The following GIT2 variants were observed in gnomAD, a reference collection of about 807,000 sequenced individuals.
GIT2 encodes GIT ArfGAP 2.
A neutral mutation model predicts 100.3 loss-of-function variants in GIT2; 32 were observed. The observed-to-expected ratio is 0.32, with a 90% CI of 0.24 to 0.43. The LOEUF is 0.43. Among genes scored for constraint, GIT2 ranks in the 20% least tolerant of loss-of-function variants. The pLI is 1.00. For missense variants in GIT2, 737 were observed against 975.1 expected (o/e 0.76, Z 3.25); for synonymous variants, 353 against 364.1 (o/e 0.97, Z 0.35).
intron 14 of GIT2, 73 bp downstream of exon 14, chr12:109,951,094 C>T (rs772196000): frequency 1.0e-4 from 138 of 1,317,704 alleles, no homozygotes; most frequent in Non-Finnish European, 1.5e-4. Flanking sequence ...CGGACCACAT[C>T]ACAGTGCCTG....
upstream of GIT2, chr12:109,999,543 C>A: frequency 3.9e-6 from 2 of 509,446 alleles, no homozygotes; most frequent in Middle Eastern, 1.2e-3. This position sits in a 1 kb window ranked among gnomAD's most constrained non-coding sequence, Gnocchi z 4.3. Flanking sequence ...GCGCGCCCCG[C>A]ACCCGACCGG....
chr12:109,952,656 C>A, intron 13 of GIT2: 1 of 518,890 alleles, frequency 1.9e-6, no homozygotes. Context: ...ATCTTAAGAG[C>A]TGTCCTATGA....
chr12:109,943,667 T>TC (rs1875435455), intron 16 of GIT2, among the ~76,000 whole-genome samples: 1 of 151,686 alleles, frequency 6.6e-6, no homozygotes, highest in Non-Finnish European at 1.5e-5. Context: ...AGAATTCTTT[T>TC]TTTTTTTTTT....
intron 16 of GIT2, chr12:109,939,626 C>T (rs991581251): frequency 6.6e-6 from 1 of 152,158 alleles, no homozygotes; most frequent in African/African-American, 2.4e-5. Context: ...TGAGGCAGGA[C>T]GATTGCTTAA....
intron 5 of GIT2, 50 bp downstream of exon 5, chr12:109,983,558 G>C: frequency 6.3e-7 from 1 of 1,593,320 alleles, no homozygotes; most frequent in Non-Finnish European, 8.6e-7. Context: ...AAGGCTACAT[G>C]AACACAACTC....
At position 109,966,527 on chromosome 12, in the gene GIT2, A is replaced by AG. The variant is rs1380605346; in HGVS notation, c.764+930_764+931insC. Among the ~76,000 whole-genome samples, 49 of 150,078 alleles carry AG rather than the reference A, an allele frequency of 3.3e-4. 2 individuals are homozygous for AG. The South Asian group carries it at 9.3e-3, about 28-fold the overall frequency. On this transcript the variant is annotated intron_variant, in intron 8 of 19. Transcript: ENST00000355312. ...CTGTCTCAAAAAAAAAAAAAAAAAA[A>AG]AAGAAAGAAAAGAAAATACAAGGCC... is the stretch of plus-strand genomic sequence containing the variant.
chr12:109,968,289 G>C (rs1004528523), intron 7 of GIT2, among the ~76,000 whole-genome samples: 1 of 150,938 alleles, frequency 6.6e-6, no homozygotes, highest in Non-Finnish European at 1.5e-5. Context: ...GTATGCTGTG[G>C]CATCTCATTG....
At chr12:109,955,298 G>GT (rs770474788) in intron 12 of GIT2, among the ~76,000 whole-genome samples, 1 of 151,862 alleles carries the variant, frequency 6.6e-6, no homozygotes, top group Non-Finnish European at 1.5e-5. Flanking sequence ...TAATTTTTTT[G>GT]TATTTTTTTA....
chr12:109,968,333 T>C (rs1204571279), intron 7 of GIT2, among the ~76,000 whole-genome samples: 1 of 152,004 alleles, frequency 6.6e-6, no homozygotes, highest in East Asian at 1.9e-4. Context: ...CTTGTCTTCA[T>C]GTGATTTTTT....
At chr12:109,998,192 T>C (rs1889714881), upstream of GIT2, 1 of 152,224 alleles carries the variant, frequency 6.6e-6, no homozygotes, top group Non-Finnish European at 1.5e-5. Flanking sequence ...ATCTCTACAG[T>C]GTGATAAATG....
At chr12:109,999,521 C>A (rs1231603462), upstream of GIT2, 1 of 370,928 alleles carries the variant, frequency 2.7e-6, no homozygotes, top group African/African-American at 2.1e-5. This position sits in a 1 kb window ranked among gnomAD's most constrained non-coding sequence, Gnocchi z 4.3. Context: ...GGCCGGCGAC[C>A]CCGGACCTCC....
Position 109,934,108 on chromosome 12 carries a change from A to C in GIT2, c.2004-23T>G. On this transcript the variant is annotated intron_variant, in intron 18 of 19. Coordinates refer to ENST00000355312, the MANE Select transcript of GIT2 (RefSeq NM_057169.5). This position sits in a 1 kb window ranked among gnomAD's most constrained non-coding sequence, Gnocchi z 4.5. Reference sequence around the variant, plus strand: ...TAACTGCAAGAATATTGAAGAAGTTATTCAATGACAGTAAAAATGATTCGG... The same window carrying C: ...TAACTGCAAGAATATTGAAGAAGTTCTTCAATGACAGTAAAAATGATTCGG... 1 of 1,280,816 alleles carries C rather than the reference A, an allele frequency of 7.8e-7. No homozygotes were observed. Among genetic ancestry groups the C allele is most frequent in the Non-Finnish European group, 1.1e-6 (1 of 876,084 alleles). 79.3% of individuals were successfully genotyped at this position (1,280,816 alleles called of 1,614,324 possible).
At chr12:109,959,201 G>A (rs1433756334) in intron 12 of GIT2, among the ~76,000 whole-genome samples, 1 of 151,730 alleles carries the variant, frequency 6.6e-6, no homozygotes, top group Non-Finnish European at 1.5e-5. Flanking sequence ...CTGGGTAGCT[G>A]GGATTACAGG....
chr12:109,936,458 T>G (rs2136141703), intron 18 of GIT2, among the ~76,000 whole-genome samples: 1 of 152,312 alleles, frequency 6.6e-6, no homozygotes, highest in African/African-American at 2.4e-5. Flanking sequence ...CATTTTAGTT[T>G]GAAATACAAG....
rs1344635119 is a variant in GIT2, at chr12:109,945,312, A to G, written c.1679T>C (p.Leu560Pro). Residue 560 changes from leucine (L) to proline (P), a missense_variant, in exon 16 of 20, where the codon CTG (leucine) becomes CCG (proline). Physicochemically the swap from Leu to Pro is moderately conservative, Grantham distance 98. Around this residue, in one of 3 missense-constraint regions of GIT2, gnomAD observed 451 missense variants for 543.7 expected, o/e 0.83. Coordinates refer to ENST00000355312, the MANE Select transcript of GIT2 (RefSeq NM_057169.5). ...GGAAAGTGTGGAGGGGAAGGAAGGC[A>G]GAGATGAAGAGGAGGTCACAAGTGC... is the stretch of plus-strand genomic sequence containing the variant. ...RSALVTSSSSLPSFPSTLSWS... is the reference protein window; with the variant it reads ...RSALVTSSSSPPSFPSTLSWS... 3 of 1,585,158 alleles carry G rather than the reference A, an allele frequency of 1.9e-6. No individual in the cohort carries two copies. Among genetic ancestry groups the G allele is most frequent in the Non-Finnish European group, 2.6e-6 (3 of 1,153,998 alleles).
chr12:109,999,917 C>A, upstream of GIT2: 1 of 730,570 alleles, frequency 1.4e-6, no homozygotes. This position sits in a 1 kb window ranked among gnomAD's most constrained non-coding sequence, Gnocchi z 4.3. Flanking sequence ...AGGTGTGGGA[C>A]AGTCCTAATA....
intron 7 of GIT2, among the ~76,000 whole-genome samples, chr12:109,979,174 T>A (rs1593114581): frequency 6.6e-6 from 1 of 150,438 alleles, no homozygotes; most frequent in African/African-American, 2.5e-5. Flanking sequence ...ATGGGAGAGA[T>A]CAGAAAAAGG....
intron 16 of GIT2, among the ~76,000 whole-genome samples, chr12:109,942,231 G>T (rs1056210937): frequency 6.6e-6 from 1 of 152,060 alleles, no homozygotes; most frequent in African/African-American, 2.4e-5. Context: ...TTGCATTTAC[G>T]TAATTATACT....
chr12:109,958,904 G>A (rs1438592447), intron 12 of GIT2, among the ~76,000 whole-genome samples: 1 of 152,132 alleles, frequency 6.6e-6, no homozygotes, highest in Non-Finnish European at 1.5e-5. Flanking sequence ...ACAGGGCACT[G>A]GTGAAACAGA....
Sources: gnomAD v4.1 joint callset for allele counts (sites outside exome capture counted in the v4.1 genomes callset) on GRCh38, gnomAD v4.1.1 for gene constraint, gnomAD v4.1.1 regional missense constraint, Gnocchi (gnomAD v3.1) non-coding constraint, MANE v1.5 for transcripts, NCBI Gene and HGNC (gene_info 2026-07-23, HGNC 2026-07-21) for gene names.